The following NFASC variants were observed in gnomAD, a reference collection of about 807,000 sequenced individuals.
NFASC encodes neurofascin homolog.
A neutral mutation model predicts 147.5 loss-of-function variants in NFASC; 43 were observed. The ratio of observed to expected loss-of-function variants is 0.29; its 90% CI spans 0.23 to 0.38. The LOEUF (loss-of-function observed/expected upper bound fraction) is 0.38, where lower values mean the gene tolerates loss of function less well. Ranked by LOEUF, NFASC falls within the 10% of genes least tolerant of loss-of-function variation. The probability of loss-of-function intolerance (pLI) is 1.00; values close to 1 mark genes in which losing one functional copy is unlikely to be tolerated. For missense variants in NFASC, 1,320 were observed against 1,689.0 expected (o/e 0.78, Z 3.83); for synonymous variants, 622 against 665.5 (o/e 0.93, Z 1.01).
At chr1:204,881,223 C>G (rs1426239865) in intron 1 of NFASC, among the ~76,000 whole-genome samples, 1 of 152,136 alleles carries the variant, frequency 6.6e-6, no homozygotes, top group African/African-American at 2.4e-5. Context: ...CCCAGGTTGA[C>G]CAGCAGATGC....
chr1:204,982,046 C>A lies in NFASC; in HGVS notation c.2470+26C>A, dbSNP rs756359961. 6 of 1,456,142 alleles carry A rather than the reference C, an allele frequency of 4.1e-6. No homozygotes were observed. In the Admixed American group the frequency reaches 1.1e-4, roughly 27 times the overall value. The allele number at this position is 1,456,142 out of a possible 1,614,324, so 90.2% of individuals were successfully genotyped here. On this transcript the variant is annotated intron_variant, in intron 21 of 29. Transcript: ENST00000339876. ...GTGAGTAGTCTCCTCCCCGTCCCCC[C>A]ATCAGGACCCTTGTGGCTAGGTCGC...
In NFASC at chr1:204,837,773, GA is replaced by G. The variant is rs879456885; in HGVS notation, c.-200+8992del. Among the ~76,000 whole-genome samples, 2,522 of 152,284 alleles carry G rather than the reference GA, an allele frequency of 0.017. 171 individuals carry two copies. In the East Asian group the frequency reaches 0.2, roughly 12 times the overall value. On this transcript the variant is annotated intron_variant, in intron 1 of 29. Coordinates refer to ENST00000339876, the MANE Select transcript of NFASC (RefSeq NM_001005388.3). ...AACCAGCCAAGGGGATCTCGAGAAT[GA>G]TTCTGCCTAGGACTAGGCAGCATGT... is the stretch of plus-strand genomic sequence containing the variant.
chr1:204,984,746 T>C (rs1345885264), intron 21 of NFASC, among the ~76,000 whole-genome samples: 1 of 152,148 alleles, frequency 6.6e-6, no homozygotes, highest in African/African-American at 2.4e-5. Context: ...CCTCCCTGCC[T>C]GAGAGCAGTT....
chr1:204,894,467 C>G (rs2083010718), intron 1 of NFASC, among the ~76,000 whole-genome samples: 1 of 152,154 alleles, frequency 6.6e-6, no homozygotes, highest in South Asian at 2.1e-4. Context: ...TACTGTGTAT[C>G]AAGAACAGTT....
At chr1:204,948,218 C>G (rs947694793) in intron 3 of NFASC, among the ~76,000 whole-genome samples, 19 of 152,344 alleles carry the variant, frequency 1.2e-4, no homozygotes, top group Admixed American at 1.2e-3. Flanking sequence ...TTCCACTGCT[C>G]CATAGAAGGC....
At chr1:204,910,161 A>G (rs1228376856) in intron 1 of NFASC, among the ~76,000 whole-genome samples, 1 of 152,070 alleles carries the variant, frequency 6.6e-6, no homozygotes, top group Non-Finnish European at 1.5e-5. Context: ...ACCAGTATAT[A>G]TATATGGAGA....
chr1:204,965,455 C>T (rs540831419), intron 8 of NFASC, among the ~76,000 whole-genome samples: 1 of 152,302 alleles, frequency 6.6e-6, no homozygotes, highest in South Asian at 2.1e-4. Context: ...TCCTTTAGGG[C>T]CAGCCATCTC....
intron 1 of NFASC, among the ~76,000 whole-genome samples, chr1:204,864,144 C>G (rs761337084): frequency 5.9e-5 from 9 of 152,110 alleles, no homozygotes; most frequent in Admixed American, 1.3e-4. Context: ...TCTTTTGTGT[C>G]TGGTTTATTT....
At chr1:204,940,947 T>C (rs1385376296) in intron 2 of NFASC, among the ~76,000 whole-genome samples, 1 of 152,246 alleles carries the variant, frequency 6.6e-6, no homozygotes, top group Non-Finnish European at 1.5e-5. Context: ...TTTAATCCTT[T>C]TGCACATATA....
Position 204,887,844 on chromosome 1 carries a change from C to T in NFASC, c.-199-32788C>T, listed in dbSNP as rs181961787. The stretch of plus-strand genomic sequence containing the variant: ...AACTCCTGGGCCCAAGCAATCAGCC[C>T]GCCTTGGCCTCTGAAAGTGCTGGGA... On this transcript the variant is annotated intron_variant, in intron 1 of 29. Coordinates refer to ENST00000339876, the MANE Select transcript of NFASC (RefSeq NM_001005388.3). 6.6e-5 allele frequency among the ~76,000 whole-genome samples: 10 copies of T among 152,110 alleles called. No homozygotes were observed. The East Asian group carries it at 1.2e-3, about 18-fold the overall frequency.
chr1:204,961,436 C>G (rs951502488), intron 8 of NFASC, among the ~76,000 whole-genome samples: 1 of 152,238 alleles, frequency 6.6e-6, no homozygotes, highest in Non-Finnish European at 1.5e-5. Context: ...GGGATGTTCT[C>G]CCCACCTCAC....
At chr1:204,847,969 G>T (rs188630153) in intron 1 of NFASC, among the ~76,000 whole-genome samples, 1 of 152,292 alleles carries the variant, frequency 6.6e-6, no homozygotes, top group African/African-American at 2.4e-5. Context: ...AGAGGGTGGA[G>T]GGCAGTTTGG....
intron 23 of NFASC, 116 bp downstream of exon 23, chr1:204,988,922 T>G: frequency 2.0e-5 from 19 of 955,426 alleles, no homozygotes; most frequent in Non-Finnish European, 3.0e-5. Context: ...GACTTGCAAG[T>G]CCTCAAGCCC....
chr1:204,916,286 G>C (rs1173209082), intron 1 of NFASC, among the ~76,000 whole-genome samples: 1 of 152,224 alleles, frequency 6.6e-6, no homozygotes, highest in Non-Finnish European at 1.5e-5. Context: ...TCCTATGCCT[G>C]AGTCAGAGGG....
rs573800201 is a variant in NFASC, at chr1:204,870,883, G to A, written c.-200+42101G>A. 1.5e-4 allele frequency: 183 copies of A among 1,200,224 alleles called. 1 individual carries two copies. The South Asian group carries it at 1.9e-3, about 12-fold the overall frequency. 74.3% of individuals were successfully genotyped at this position (1,200,224 alleles called of 1,614,324 possible). ...TTTTGATTCCACCCAGGGCAGGGCT[G>A]CTGTGTTTTCTCTGAGGCCAACTTT... is the stretch of plus-strand genomic sequence containing the variant. On this transcript the variant is annotated intron_variant, in intron 1 of 29. Transcript: ENST00000339876.
At position 204,930,260 on chromosome 1, in the gene NFASC, C is replaced by G. The variant is rs185516681; in HGVS notation, c.-91+9520C>G. 8.5e-4 allele frequency among the ~76,000 whole-genome samples: 130 copies of G among 152,144 alleles called. 1 individual carries two copies. The highest frequency in any genetic ancestry group is 1.3e-4 in the Non-Finnish European group (9 of 68,000). On this transcript the variant is annotated intron_variant, in intron 2 of 29. Coordinates refer to ENST00000339876, the MANE Select transcript of NFASC (RefSeq NM_001005388.3). ...TCAGACAGAAAGCTCTGAGAGTCAG[C>G]AGGGGGAGATTTGAGAAAGAAAGAT...
intron 3 of NFASC, 59 bp downstream of exon 3, chr1:204,944,465 G>A (rs2093578492): frequency 9.3e-7 from 1 of 1,077,100 alleles, no homozygotes. Context: ...AGGGGTGGGA[G>A]GGGAGGGAAG....
At chr1:204,855,792 T>A (rs1016229367) in intron 1 of NFASC, among the ~76,000 whole-genome samples, 7 of 152,178 alleles carry the variant, frequency 4.6e-5, no homozygotes, top group African/African-American at 1.7e-4. Flanking sequence ...AATCCCTGCT[T>A]GTTGACATAG....
intron 1 of NFASC, among the ~76,000 whole-genome samples, chr1:204,917,287 C>A (rs938660260): frequency 6.6e-6 from 1 of 152,202 alleles, no homozygotes; most frequent in African/African-American, 2.4e-5. Context: ...TAATGTCTAT[C>A]ATTCAGAAGA....
Sources: allele counts gnomAD v4.1 joint callset (sites outside exome capture counted in the v4.1 genomes callset), GRCh38; gene constraint gnomAD v4.1.1; transcripts MANE v1.5; gene names NCBI Gene and HGNC (gene_info 2026-07-23, HGNC 2026-07-21).